The following GALNT17 variants were observed in gnomAD, a reference collection of about 807,000 sequenced individuals.
GALNT17 encodes the protein polypeptide N-acetylgalactosaminyltransferase 17.
Under a neutral mutation model 63.7 loss-of-function variants are expected in GALNT17, and 29 were observed. The observed-to-expected ratio is 0.46, with a 90% CI of 0.34 to 0.62. The LOEUF (loss-of-function observed/expected upper bound fraction) is 0.62. Ranked by LOEUF, GALNT17 falls within the 20% of genes least tolerant of loss-of-function variation. GALNT17 has a pLI of 0.01. For missense variants in GALNT17, 603 were observed against 799.6 expected (o/e 0.75, Z 2.97); for synonymous variants, 305 against 318.3 (o/e 0.96, Z 0.45).
At chr7:71,350,253 T>A (rs1365884872) in intron 2 of GALNT17, among the ~76,000 whole-genome samples, 4 of 152,230 alleles carry the variant, frequency 2.6e-5, no homozygotes, top group Non-Finnish European at 5.9e-5. Flanking sequence ...ACAGTCCTTG[T>A]ACTCATTTGA....
In GALNT17 at chr7:71,335,668, C is replaced by G; in HGVS notation, c.357C>G (p.Gly119=). 1 of 1,613,564 alleles carries G rather than the reference C, an allele frequency of 6.2e-7. No homozygotes were observed. The highest frequency in any genetic ancestry group is 8.5e-7 in the Non-Finnish European group (1 of 1,179,768). Reference sequence around the variant, plus strand: ...CTAAGGGACCCCATGAGAAGTATGGCTACAATTCATACCTCAGTGAAAAAA... The same window carrying G: ...CTAAGGGACCCCATGAGAAGTATGGGTACAATTCATACCTCAGTGAAAAAA... The part of the protein sequence containing the change: ...EKAKGPHEKY[G]YNSYLSEKIS... Residue 119 remains glycine (G), a synonymous_variant, in exon 2 of 11, where the codon GGC becomes GGG. Coordinates refer to ENST00000333538, the MANE Select transcript of GALNT17 (RefSeq NM_022479.3).
At position 71,557,070 on chromosome 7, in the gene GALNT17, T is replaced by C. The variant is rs562496391; in HGVS notation, c.963-14215T>C. Among the ~76,000 whole-genome samples the C allele has an allele frequency of 2.2e-5, 3 of 135,706 alleles. No homozygotes were observed. The Admixed American group carries it at 2.3e-4, about 10-fold the overall frequency. 89.0% of individuals were successfully genotyped at this position (135,706 alleles called of 152,430 possible). ...CCCAGCTAATTTTTTTTTTTTTTTT[T>C]TGGGGAGAGATAGGGTCTCTCTATG... On this transcript the variant is annotated intron_variant, in intron 5 of 10. Transcript: ENST00000333538.
intron 6 of GALNT17, among the ~76,000 whole-genome samples, chr7:71,623,318 A>AT (rs1790322996): frequency 6.6e-6 from 1 of 150,564 alleles, no homozygotes; most frequent in Non-Finnish European, 1.5e-5. Context: ...AAATAAATAC[A>AT]TGCAAATGAC....
intron 5 of GALNT17, among the ~76,000 whole-genome samples, chr7:71,541,422 A>G (rs4719144): frequency 0.72 from 108,707 of 151,644 alleles, 39,248 homozygotes; most frequent in Non-Finnish European, 0.75. Context: ...ACATAGCAGC[A>G]GGCACCTGTA....
chr7:71,575,175 G>A (rs186616506), intron 6 of GALNT17, among the ~76,000 whole-genome samples: 10 of 152,120 alleles, frequency 6.6e-5, no homozygotes, highest in African/African-American at 2.4e-4. Context: ...CTTAGGGCTT[G>A]AATGAATTGC....
At chr7:71,250,556 T>C (rs1790179442) in intron 1 of GALNT17, among the ~76,000 whole-genome samples, 1 of 152,182 alleles carries the variant, frequency 6.6e-6, no homozygotes, top group Non-Finnish European at 1.5e-5. Context: ...CTCTGTAAGC[T>C]CGCCCCAAAA....
intron 6 of GALNT17, among the ~76,000 whole-genome samples, chr7:71,615,730 G>A (rs750797482): frequency 2.0e-5 from 3 of 151,924 alleles, no homozygotes; most frequent in Non-Finnish European, 2.9e-5. Context: ...CACCCACCTC[G>A]GCCTCCCAAA....
intron 9 of GALNT17, among the ~76,000 whole-genome samples, chr7:71,707,318 C>T (rs553402420): frequency 4.6e-5 from 7 of 152,218 alleles, no homozygotes; most frequent in African/African-American, 1.4e-4. Context: ...ACAGCCCCTC[C>T]CTCTCAGGAG....
At chr7:71,338,997 T>C (rs1249200011) in intron 2 of GALNT17, among the ~76,000 whole-genome samples, 4 of 152,240 alleles carry the variant, frequency 2.6e-5, no homozygotes, top group African/African-American at 9.6e-5. Context: ...CCTGGACTTT[T>C]GCTCTCCAAA....
intron 5 of GALNT17, among the ~76,000 whole-genome samples, chr7:71,526,564 G>A (rs1788628224): frequency 6.6e-6 from 1 of 152,036 alleles, no homozygotes; most frequent in African/African-American, 2.4e-5. Context: ...CTGTCGCCCA[G>A]GCTGGAGTGC....
chr7:71,345,365 T>G (rs1792073317), intron 2 of GALNT17, among the ~76,000 whole-genome samples: 1 of 152,204 alleles, frequency 6.6e-6, no homozygotes, highest in Non-Finnish European at 1.5e-5. Flanking sequence ...TCTACTGCTG[T>G]TATCTTCAAT....
At chr7:71,447,843 C>T (rs1374301138) in intron 5 of GALNT17, among the ~76,000 whole-genome samples, 49 of 152,164 alleles carry the variant, frequency 3.2e-4, no homozygotes, top group Admixed American at 3.2e-3. Flanking sequence ...TCAGTCCTCT[C>T]AGCAACCTTA....
intron 7 of GALNT17, among the ~76,000 whole-genome samples, chr7:71,666,215 A>C (rs993532941): frequency 3.3e-5 from 5 of 152,040 alleles, no homozygotes; most frequent in African/African-American, 1.2e-4. Context: ...GATTTGTTCC[A>C]GGATTCCCTG....
rs912089267 is a variant in GALNT17, at chr7:71,499,004, A to G, written c.963-72281A>G. On this transcript the variant is annotated intron_variant, in intron 5 of 10. Transcript: ENST00000333538. ...CATTGTGCCAACTCCACCTGTAAGG[A>G]TGACCTGCAGGACATTGGAATATTT... Among the ~76,000 whole-genome samples the G allele has an allele frequency of 1.2e-4, 19 of 152,338 alleles. No homozygotes were observed. The South Asian group carries it at 3.5e-3, about 28-fold the overall frequency.
chr7:71,330,940 C>T (rs545158450), intron 1 of GALNT17, among the ~76,000 whole-genome samples: 1 of 152,186 alleles, frequency 6.6e-6, no homozygotes, highest in Non-Finnish European at 1.5e-5. Context: ...TCTGCACCCT[C>T]TGCCACGGCT....
chr7:71,247,801 C>T (rs888657998), intron 1 of GALNT17, among the ~76,000 whole-genome samples: 2 of 152,108 alleles, frequency 1.3e-5, no homozygotes, highest in Non-Finnish European at 2.9e-5. Flanking sequence ...AACATAAAGT[C>T]CATCAACACA....
At chr7:71,414,809 G>C (rs1205839283) in intron 3 of GALNT17, among the ~76,000 whole-genome samples, 1 of 152,142 alleles carries the variant, frequency 6.6e-6, no homozygotes, top group Admixed American at 6.5e-5. Flanking sequence ...CTGGTCAGCA[G>C]GCGGGATTCC....
intron 9 of GALNT17, among the ~76,000 whole-genome samples, chr7:71,699,651 G>A (rs118136976): frequency 1.2e-3 from 189 of 152,166 alleles, no homozygotes; most frequent in East Asian, 3.3e-3. Flanking sequence ...AGATGAATGC[G>A]GCCTGGACAC....
intron 5 of GALNT17, among the ~76,000 whole-genome samples, chr7:71,540,129 G>T (rs1225463234): frequency 2.5e-4 from 7 of 28,554 alleles, no homozygotes; most frequent in East Asian, 1.5e-3. Flanking sequence ...TTTTTTTTTT[G>T]ATGGAGTCTC....
Sources: allele counts gnomAD v4.1 joint callset (sites outside exome capture counted in the v4.1 genomes callset), GRCh38; gene constraint gnomAD v4.1.1; transcripts MANE v1.5; gene names NCBI Gene and HGNC (gene_info 2026-07-23, HGNC 2026-07-21).